The following PITRM1 variants were observed in gnomAD, a reference collection of about 807,000 sequenced individuals.
PITRM1 encodes pitrilysin metallopeptidase 1.
PITRM1 carries 100 observed loss-of-function variants against 129.9 expected under a neutral mutation model. That is an observed-to-expected ratio of 0.77 (90% CI 0.65 to 0.91). The LOEUF is 0.91. Among genes scored for constraint, PITRM1 ranks in the 40% least tolerant of loss-of-function variants. PITRM1 has a pLI of 0.00. For synonymous variants in PITRM1, 591 were observed against 508.8 expected, an observed-to-expected ratio of 1.16 and a Z score of -2.17; for missense variants, 1,471 against 1,318.3, an observed-to-expected ratio of 1.12 and a Z score of -1.79.
chr10:3,142,440 G>A (rs1161754981), intron 23 of PITRM1, among the ~76,000 whole-genome samples: 1 of 152,198 alleles, frequency 6.6e-6, no homozygotes, highest in Admixed American at 6.5e-5. Flanking sequence ...CCTCATGGGG[G>A]TAGCTGCCTG....
Position 3,148,290 on chromosome 10 carries a change from G to A in PITRM1, c.1873C>T (p.Leu625=), listed in dbSNP as rs1588657894. The A allele has an allele frequency of 3.1e-6, 5 of 1,606,696 alleles. No homozygotes were observed. In the East Asian group the frequency reaches 1.1e-4, roughly 36 times the overall value. ...VPLFCSVLTK[L]GCGLLDYREQ... ...CGGTAGTCAAGAAGGCCGCAGCCCA[G>A]CCTGACACAGCAGAGAAGCATCGCC... is the stretch of plus-strand genomic sequence containing the variant. The change falls in exon 17 of 27, where the codon CTG becomes TTG. Residue 625 remains leucine, a splice_region_variant and synonymous_variant. Coordinates refer to ENST00000224949, the MANE Select transcript of PITRM1 (RefSeq NM_014889.4).
At chr10:3,161,315 C>T (rs182424187) in intron 7 of PITRM1, among the ~76,000 whole-genome samples, 70 of 152,338 alleles carry the variant, frequency 4.6e-4, no homozygotes, top group African/African-American at 1.6e-3. Flanking sequence ...TTTCACAAAA[C>T]TCAATTTTTG....
intron 7 of PITRM1, among the ~76,000 whole-genome samples, chr10:3,162,235 C>G (rs1842514918): frequency 6.6e-6 from 1 of 151,678 alleles, no homozygotes; most frequent in South Asian, 2.1e-4. Flanking sequence ...CCCTCCTCCT[C>G]AAACTGGACT....
At chr10:3,143,134 A>G (rs1252716703) in intron 23 of PITRM1, 2 of 489,108 alleles carry the variant, frequency 4.1e-6, no homozygotes, top group African/African-American at 3.9e-5. Flanking sequence ...TTAAGGTCAT[A>G]GGTATCTGTA....
In PITRM1 at chr10:3,139,811, C is replaced by G. The variant is rs577148970; in HGVS notation, c.2772-762G>C. 5.3e-5 allele frequency among the ~76,000 whole-genome samples: 8 copies of G among 152,346 alleles called. No individual in the cohort carries two copies. The East Asian group carries it at 1.5e-3, about 29-fold the overall frequency. On this transcript the variant is annotated intron_variant, in intron 24 of 26. Transcript: ENST00000224949. ...CTGTAGCTAGGACCACAGGCACTTG[C>G]CACTGCGGCCGGCTGGCTCCTTCTT...
Position 3,144,350 on chromosome 10 carries a change from C to T in PITRM1, c.2474G>A (p.Ser825Asn). 6.4e-7 allele frequency: 1 copy of T among 1,557,288 alleles called. No homozygotes were observed. The highest frequency in any genetic ancestry group is 8.7e-7 in the Non-Finnish European group (1 of 1,148,672). The change falls in exon 22 of 27, where the codon AGC becomes AAC. Residue 825 changes from serine to asparagine, a missense_variant. Physicochemically the swap from Ser to Asn is conservative, Grantham distance 46. Coordinates refer to ENST00000224949, the MANE Select transcript of PITRM1 (RefSeq NM_014889.4). ...PHTVEKPVPSSSGGDAHVPHG... is the reference protein window; with the variant it reads ...PHTVEKPVPSNSGGDAHVPHG... ...GGGAACGTGGGCATCTCCACCAGAG[C>T]TGCTGGGCACAGGTTTCTGAAAATC... is the stretch of plus-strand genomic sequence containing the variant.
At chr10:3,144,480 G>GT (rs1265277000) in intron 21 of PITRM1, 114 bp from the exon 22 acceptor site, 224 of 647,602 alleles carry the variant, frequency 3.5e-4, no homozygotes, top group Non-Finnish European at 5.8e-4. Flanking sequence ...TAGGGCAGGT[G>GT]TAAGTGTTTT....
intron 12 of PITRM1, 152 bp from the exon 13 acceptor site, chr10:3,157,216 A>G (rs888415527): frequency 8.7e-6 from 7 of 801,128 alleles, no homozygotes; most frequent in Non-Finnish European, 1.3e-5. Flanking sequence ...CTTTGGATGG[A>G]GAAACAAAAA....
At chr10:3,138,757 AGG>A (rs1343881380) in intron 25 of PITRM1, 145 bp downstream of exon 25, 19 of 832,412 alleles carry the variant, frequency 2.3e-5, no homozygotes, top group Middle Eastern at 2.2e-4. Flanking sequence ...AAGCGTGTTT[AGG>A]GTGTCAGACG....
Position 3,165,426 on chromosome 10 carries a change from C to T in PITRM1, c.520G>A (p.Glu174Lys), listed in dbSNP as rs772491649. The T allele has an allele frequency of 4.5e-5, 73 of 1,612,462 alleles. 1 individual carries two copies. The South Asian group carries it at 6.1e-4, about 13-fold the overall frequency. ...TTCATGACATACCAGAAATCCAGCT[C>T]GCGTAAACATGGGAAAAAGGTGGCA... ...LDATFFPCLR[E>K]LDFWQEGWRL... Residue 174 changes from glutamate (E) to lysine (K), a missense_variant, in exon 5 of 27, where the codon GAG becomes AAG. Physicochemically the swap from Glu to Lys is moderately conservative, Grantham distance 56 (BLOSUM62 1). Transcript: ENST00000224949.
chr10:3,157,400 TA>T, intron 12 of PITRM1, 34 bp downstream of exon 12: 1 of 1,355,242 alleles, frequency 7.4e-7, no homozygotes, highest in Non-Finnish European at 1.0e-6. Context: ...ATGTCTATTA[TA>T]AAACAAAAAC....
intron 23 of PITRM1, 128 bp from the exon 24 acceptor site, chr10:3,140,940 T>TA: frequency 2.3e-6 from 2 of 874,652 alleles, no homozygotes; most frequent in Non-Finnish European, 3.5e-6. Flanking sequence ...TATGGTCCCA[T>TA]ATTTTGGTCT....
chr10:3,148,110 C>T (rs753643864), intron 17 of PITRM1, 47 bp from the exon 18 acceptor site: 65 of 1,613,688 alleles, frequency 4.0e-5, no homozygotes, highest in Non-Finnish European at 5.3e-5. Flanking sequence ...CCGAATCGAA[C>T]AGTGACAGAC....
At position 3,140,804 on chromosome 10, in the gene PITRM1, AT is replaced by A; in HGVS notation, c.2653del (p.Ile885SerfsTer5). 6.3e-7 allele frequency: 1 copy of A among 1,581,628 alleles called. No individual in the cohort carries two copies. The highest frequency in any genetic ancestry group is 1.8e-5 in the Admixed American group (1 of 55,208). On this transcript the variant is annotated frameshift_variant, in exon 24 of 27. Transcript: ENST00000224949. LOFTEE classifies it high-confidence loss of function. The part of the protein sequence containing the change: ...YTDPDHASLK[I>X]LARLMTAKFL... The stretch of plus-strand genomic sequence containing the variant: ...TTTGGCAGTCATCAAACGTGCAAGG[AT>A]TTTAAGACTGAAATGATTAAAAAAT...
At chr10:3,140,881 T>G in intron 23 of PITRM1, 69 bp from the exon 24 acceptor site, 1 of 1,255,548 alleles carries the variant, frequency 8.0e-7, no homozygotes, top group South Asian at 1.3e-5. Flanking sequence ...AAGTAATTGT[T>G]GGATTAAGTG....
At chr10:3,147,871 A>G in intron 18 of PITRM1, 116 bp downstream of exon 18, 1 of 1,183,564 alleles carries the variant, frequency 8.4e-7, no homozygotes, top group Non-Finnish European at 1.2e-6. Context: ...AACTACAAGT[A>G]AAAGTCAGAC....
intron 14 of PITRM1, among the ~76,000 whole-genome samples, chr10:3,152,715 G>T (rs1273610068): frequency 6.6e-6 from 1 of 152,224 alleles, no homozygotes; most frequent in Non-Finnish European, 1.5e-5. Flanking sequence ...CACGCCACTC[G>T]GAGATTTTCT....
Position 3,143,631 on chromosome 10 carries a change from A to G in PITRM1, c.2533-130T>C. ...TGCCCACGGCACTGGGACTGGAGCCATCTCAGGGGTCCCATCTCCGTGACA... is the reference window on the plus strand; with the variant it reads ...TGCCCACGGCACTGGGACTGGAGCCGTCTCAGGGGTCCCATCTCCGTGACA... On this transcript the variant is annotated intron_variant, in intron 22 of 26. Transcript: ENST00000224949. 6.9e-6 allele frequency: 5 copies of G among 727,436 alleles called. No homozygotes were observed. In the South Asian group the frequency reaches 7.4e-5, roughly 11 times the overall value. The allele number at this position is 727,436 out of a possible 1,614,324, so 45.1% of individuals were successfully genotyped here.
At chr10:3,142,089 G>C (rs925526573) in intron 23 of PITRM1, among the ~76,000 whole-genome samples, 2 of 152,154 alleles carry the variant, frequency 1.3e-5, no homozygotes, top group Non-Finnish European at 2.9e-5. Flanking sequence ...CTGCCCAGGG[G>C]GAACCTCCAC....
Sources: allele counts gnomAD v4.1 joint callset (sites outside exome capture counted in the v4.1 genomes callset), GRCh38; gene constraint gnomAD v4.1.1; transcripts MANE v1.5; gene names NCBI Gene and HGNC (gene_info 2026-07-23, HGNC 2026-07-21).